MEGF10: variants seen among roughly 807,000 people sequenced by gnomAD.
The protein encoded by MEGF10 is multiple epidermal growth factor-like domains protein 10.
In MEGF10, 86 loss-of-function variants were observed where a neutral mutation model predicts 147.5. That is an observed-to-expected ratio of 0.58 (90% CI 0.49 to 0.70). The LOEUF (loss-of-function observed/expected upper bound fraction) is 0.70, where lower values mean the gene tolerates loss of function less well. Ranked by LOEUF, MEGF10 falls within the 30% of genes least tolerant of loss-of-function variation. The pLI is 0.00. For missense variants in MEGF10, 1,329 were observed against 1,487.3 expected (o/e 0.89, Z 1.75); for synonymous variants, 478 against 525.5 (o/e 0.91, Z 1.24).
intron 4 of MEGF10, among the ~76,000 whole-genome samples, chr5:127,357,956 A>C (rs915108684): frequency 6.6e-6 from 1 of 152,154 alleles, no homozygotes; most frequent in Non-Finnish European, 1.5e-5. Flanking sequence ...GATTTGTAAT[A>C]GTTCTTTAAT....
Position 127,435,431 on chromosome 5 carries a change from C to T in MEGF10, c.2046C>T (p.Asn682=). Residue 682 remains asparagine, a synonymous_variant, in exon 16 of 25, where the codon AAC becomes AAT. Coordinates refer to ENST00000503335, the MANE Select transcript of MEGF10 (RefSeq NM_001256545.2). ...ICTCTNNGTC[N]PIDRSCQCYP... Reference sequence around the variant, plus strand: ...CCTGCACCAACAACGGAACCTGTAACCCCATTGACAGATCTTGTCAGTGTT... The same window carrying T: ...CCTGCACCAACAACGGAACCTGTAATCCCATTGACAGATCTTGTCAGTGTT... 1.2e-6 allele frequency: 2 copies of T among 1,614,122 alleles called. No individual in the cohort carries two copies. The highest frequency in any genetic ancestry group is 1.6e-4 in the Middle Eastern group (1 of 6,062).
rs116704297 is a variant in MEGF10 at position 127,417,339 on chromosome 5, C to T, written c.1131-299C>T. On this transcript the variant is annotated intron_variant, in intron 9 of 24. Transcript: ENST00000503335. ...TTAGCTCCTCTCATAGAGTTGACCT[C>T]TTACAAAATTAGTGCATTCAATTTA... 2.3e-3 allele frequency among the ~76,000 whole-genome samples: 351 copies of T among 152,276 alleles called. 3 individuals are homozygous for T. Among genetic ancestry groups the T allele is most frequent in the Middle Eastern group, 0.01 (3 of 294 alleles).
chr5:127,296,608 A>G (rs981029773), intron 1 of MEGF10, among the ~76,000 whole-genome samples: 1 of 152,196 alleles, frequency 6.6e-6, no homozygotes, highest in African/African-American at 2.4e-5. Flanking sequence ...AGCTGTACAG[A>G]TTTGGCTGTT....
intron 22 of MEGF10, among the ~76,000 whole-genome samples, chr5:127,449,599 G>C (rs1041968482): frequency 3.9e-5 from 6 of 152,130 alleles, no homozygotes; most frequent in African/African-American, 1.4e-4. Context: ...TATGTTACTT[G>C]CACAGGACCT....
chr5:127,351,469 C>T (rs1163359737), intron 4 of MEGF10, among the ~76,000 whole-genome samples: 7 of 152,006 alleles, frequency 4.6e-5, no homozygotes, highest in Non-Finnish European at 5.9e-5. Flanking sequence ...TATATACTAA[C>T]GTTAGGCACA....
intron 5 of MEGF10, among the ~76,000 whole-genome samples, chr5:127,375,824 G>T (rs1017857143): frequency 1.3e-5 from 2 of 152,208 alleles, no homozygotes; most frequent in Admixed American, 6.5e-5. Flanking sequence ...CATTTAATTA[G>T]ATTGAAGGAA....
At chr5:127,453,173 T>A (rs1766221459) in intron 22 of MEGF10, among the ~76,000 whole-genome samples, 2 of 152,232 alleles carry the variant, frequency 1.3e-5, no homozygotes, top group African/African-American at 4.8e-5. Flanking sequence ...CATTGCTAGT[T>A]GTTACTTTAC....
At chr5:127,433,178 G>A (rs768516849) in intron 13 of MEGF10, among the ~76,000 whole-genome samples, 185 bp from the exon 14 acceptor site, 21 of 152,060 alleles carry the variant, frequency 1.4e-4, no homozygotes, top group South Asian at 2.1e-4. Flanking sequence ...ATAGAAAATC[G>A]GTCTGGGTAT....
chr5:127,315,085 A>G (rs1287204469), intron 1 of MEGF10, among the ~76,000 whole-genome samples: 2 of 152,166 alleles, frequency 1.3e-5, no homozygotes, highest in South Asian at 4.1e-4. Flanking sequence ...GAGGACAAGA[A>G]CAGAAGAGAT....
At chr5:127,248,492 A>G in the MEGF10 span, among the ~76,000 whole-genome samples, 2 of 152,114 alleles carry the variant, frequency 1.3e-5, no homozygotes, top group African/African-American at 4.8e-5. Flanking sequence ...TGAAAACATG[A>G]ATGTAATGAA....
chr5:127,259,879 G>A, the MEGF10 span, among the ~76,000 whole-genome samples: 24 of 152,180 alleles, frequency 1.6e-4, no homozygotes, highest in South Asian at 4.2e-4. Flanking sequence ...AGAGGTGGCC[G>A]GGCACGGTGG....
At chr5:127,409,968 GAC>G (rs765371150) in intron 8 of MEGF10, 1 of 171,698 alleles carries the variant, frequency 5.8e-6, no homozygotes, top group Non-Finnish European at 1.3e-5. Context: ...TTTCAAATTT[GAC>G]ACAGAGTTTT....
chr5:127,268,857 C>A, the MEGF10 span, among the ~76,000 whole-genome samples: 1 of 152,236 alleles, frequency 6.6e-6, no homozygotes, highest in African/African-American at 2.4e-5. Context: ...CAGACTGACA[C>A]TTCACTCAGC....
chr5:127,363,661 T>A (rs537542478), intron 4 of MEGF10, among the ~76,000 whole-genome samples: 2 of 152,218 alleles, frequency 1.3e-5, no homozygotes, highest in Non-Finnish European at 2.9e-5. Flanking sequence ...GGGTGTACAA[T>A]TGGCAATGTC....
intron 9 of MEGF10, 67 bp downstream of exon 9, chr5:127,410,668 G>T (rs892139745): frequency 1.1e-5 from 15 of 1,400,100 alleles, no homozygotes; most frequent in Non-Finnish European, 1.4e-5. Flanking sequence ...TCAGGATTTG[G>T]AAGGAGGGAT....
chr5:127,280,043 T>G, the MEGF10 span, among the ~76,000 whole-genome samples: 4 of 152,204 alleles, frequency 2.6e-5, no homozygotes, highest in African/African-American at 9.7e-5. Flanking sequence ...AGTTTATATA[T>G]TATTATATTG....
At chr5:127,350,093 T>C (rs929449151) in intron 4 of MEGF10, among the ~76,000 whole-genome samples, 3 of 152,208 alleles carry the variant, frequency 2.0e-5, no homozygotes, top group Admixed American at 2.0e-4. Context: ...CGGCTATGTT[T>C]GGAAGTGAAA....
At chr5:127,379,152 C>T (rs575519194) in intron 5 of MEGF10, among the ~76,000 whole-genome samples, 2 of 150,586 alleles carry the variant, frequency 1.3e-5, no homozygotes, top group Non-Finnish European at 1.5e-5. Flanking sequence ...CCCAATCCAA[C>T]CTCTTCTCAT....
chr5:127,357,388 A>T (rs1762314198), intron 4 of MEGF10, among the ~76,000 whole-genome samples: 1 of 152,160 alleles, frequency 6.6e-6, no homozygotes, highest in Admixed American at 6.6e-5. Flanking sequence ...TGATCGGTTA[A>T]TAGGGTAGAG....
Sources: gnomAD v4.1 joint callset for allele counts (sites outside exome capture counted in the v4.1 genomes callset) on GRCh38, gnomAD v4.1.1 for gene constraint, MANE v1.5 for transcripts, NCBI Gene and HGNC (gene_info 2026-07-23, HGNC 2026-07-21) for gene names.